The following THSD4 variants were observed in gnomAD, a reference collection of about 807,000 sequenced individuals.
The protein encoded by THSD4 is thrombospondin type-1 domain-containing protein 4.
In THSD4, 69 loss-of-function variants were observed where a neutral mutation model predicts 119.0. The ratio of observed to expected loss-of-function variants is 0.58; its 90% confidence interval spans 0.48 to 0.71. The LOEUF (loss-of-function observed/expected upper bound fraction) is 0.71, where lower values mean the gene tolerates loss of function less well. Among genes scored for constraint, THSD4 ranks in the 30% least tolerant of loss-of-function variants. The pLI is 0.00. For missense variants in THSD4, 1,393 were observed against 1,391.1 expected (o/e 1.00, Z -0.02); for synonymous variants, 524 against 540.4 (o/e 0.97, Z 0.42).
In THSD4 at chr15:71,215,268, G is replaced by C; in HGVS notation, c.333G>C (p.Ser111=). 3 of 1,508,408 alleles carry C rather than the reference G, an allele frequency of 2.0e-6. No individual in the cohort carries two copies. The highest frequency in any genetic ancestry group is 2.6e-6 in the Non-Finnish European group (3 of 1,134,570). The allele number at this position is 1,508,408 out of a possible 1,614,324, so 93.4% of individuals were successfully genotyped here. A position where few individuals can be genotyped will look rare whatever the true frequency, so the allele number is the denominator to read the frequency against. The change falls in exon 4 of 18, where the codon TCG becomes TCC. Residue 111 remains serine, a synonymous_variant. Coordinates refer to ENST00000261862, the MANE Select transcript of THSD4 (RefSeq NM_024817.3). The part of the protein sequence containing the change: ...ADHVVSAVRT[S]VPLHRSRDET... The stretch of plus-strand genomic sequence containing the variant: ...ACGTGGTGTCGGCGGTGCGCACGTC[G>C]GTGCCACTGCACCGGAGCCGCGACG...
intron 16 of THSD4, among the ~76,000 whole-genome samples, chr15:71,765,828 T>C (rs930728230): frequency 4.0e-5 from 6 of 150,260 alleles, no homozygotes; most frequent in South Asian, 2.1e-4. Context: ...GTGTACACTT[T>C]TTAAAAATCC....
chr15:71,474,206 G>A (rs2047625464), intron 7 of THSD4, among the ~76,000 whole-genome samples: 2 of 150,068 alleles, frequency 1.3e-5, no homozygotes, highest in Non-Finnish European at 3.0e-5. Flanking sequence ...ATATTGTTTG[G>A]CATCTTGCTA....
At chr15:71,676,154 C>T (rs898453649) in intron 8 of THSD4, among the ~76,000 whole-genome samples, 1 of 152,186 alleles carries the variant, frequency 6.6e-6, no homozygotes, top group African/African-American at 2.4e-5. Flanking sequence ...AGAAATAAAA[C>T]ATCAAGTGTG....
upstream of THSD4, chr15:71,111,472 A>C (rs368081281): frequency 7.1e-7 from 1 of 1,406,746 alleles, no homozygotes; most frequent in Non-Finnish European, 9.8e-7. Flanking sequence ...CAAGCAGGGG[A>C]GGGAATCTAC....
chr15:71,408,134 C>T (rs753595769), intron 6 of THSD4, among the ~76,000 whole-genome samples: 76 of 151,410 alleles, frequency 5.0e-4, no homozygotes, highest in Non-Finnish European at 9.0e-4. Flanking sequence ...AGAGAAGAGT[C>T]TCCTGGCATC....
At chr15:71,127,148 G>T (rs1173945620) in intron 1 of THSD4, among the ~76,000 whole-genome samples, 2 of 152,144 alleles carry the variant, frequency 1.3e-5, no homozygotes, top group Non-Finnish European at 2.9e-5. Flanking sequence ...TGATGTTTTA[G>T]ATTCCACATA....
intron 6 of THSD4, among the ~76,000 whole-genome samples, chr15:71,287,997 C>T (rs886731697): frequency 9.2e-5 from 14 of 152,182 alleles, no homozygotes; most frequent in South Asian, 8.3e-4. Context: ...ATACACGACG[C>T]GCAACATGCC....
chr15:71,522,946 T>C (rs1164860224), intron 7 of THSD4, among the ~76,000 whole-genome samples: 2 of 152,188 alleles, frequency 1.3e-5, no homozygotes, highest in Non-Finnish European at 2.9e-5. Flanking sequence ...GCCAAGCCTG[T>C]CTGGATGCCT....
chr15:71,384,627 A>C (rs1217713976), intron 6 of THSD4, among the ~76,000 whole-genome samples: 1 of 152,182 alleles, frequency 6.6e-6, no homozygotes, highest in African/African-American at 2.4e-5. Context: ...GAGGCAATAA[A>C]ATTTTTGAAA....
intron 7 of THSD4, among the ~76,000 whole-genome samples, chr15:71,474,215 T>TAGCCAAG (rs1275591045): frequency 7.2e-6 from 1 of 139,636 alleles, no homozygotes; most frequent in Non-Finnish European, 1.6e-5. Flanking sequence ...GGCATCTTGC[T>TAGCCAAG]ATTTTATTTT....
chr15:71,129,742 T>C (rs1376179846), intron 1 of THSD4, among the ~76,000 whole-genome samples: 2 of 152,174 alleles, frequency 1.3e-5, no homozygotes, highest in Non-Finnish European at 2.9e-5. Flanking sequence ...TCTGTAAGGA[T>C]AGACAGAGTT....
chr15:71,777,462 G>C lies in THSD4; in HGVS notation c.*88G>C. 20 of 1,506,484 alleles carry C rather than the reference G, an allele frequency of 1.3e-5. No individual in the cohort carries two copies. The highest frequency in any genetic ancestry group is 1.5e-5 in the Non-Finnish European group (17 of 1,128,282). 93.3% of individuals were successfully genotyped at this position (1,506,484 alleles called of 1,614,324 possible). A position where few individuals can be genotyped will look rare whatever the true frequency, so the allele number is the denominator to read the frequency against. ...CTGGCTGGCTGCTGCTCCACCACGG[G>C]CCCCCTGGCCCAGGCGCTGCCAACC... On this transcript the variant is annotated 3_prime_UTR_variant, in exon 18 of 18. Transcript: ENST00000261862.
At chr15:71,584,988 C>A (rs1360759192) in intron 7 of THSD4, among the ~76,000 whole-genome samples, 2 of 152,094 alleles carry the variant, frequency 1.3e-5, no homozygotes. Flanking sequence ...CTTCTGTTTT[C>A]CATATTTTAT....
rs2053931296 is a variant in THSD4 at position 71,777,277 on chromosome 15, A to C, written c.2960A>C (p.Gln987Pro). Residue 987 changes from glutamine (Q) to proline (P), a missense_variant, in exon 18 of 18, where the codon CAG (glutamine) becomes CCG (proline). By Grantham distance (76) the Gln-to-Pro change is moderately conservative. Transcript: ENST00000261862. Reference sequence around the variant, plus strand: ...TACTACAACTGCAACGTGGTGGTCCAGGCAAGACTCTGTGTCTACAACTAC... The same window carrying C: ...TACTACAACTGCAACGTGGTGGTCCCGGCAAGACTCTGTGTCTACAACTAC... ...DKYYNCNVVV[Q>P]ARLCVYNYYK... 1 of 1,614,232 alleles carries C rather than the reference A, an allele frequency of 6.2e-7. No individual in the cohort carries two copies. Among genetic ancestry groups the C allele is most frequent in the Non-Finnish European group, 8.5e-7 (1 of 1,180,030 alleles).
At chr15:71,108,950 C>T (rs2040285556) in intron 1 of THSD4, among the ~76,000 whole-genome samples, 2 of 152,154 alleles carry the variant, frequency 1.3e-5, no homozygotes, top group African/African-American at 4.8e-5. Context: ...CAAGATCGCA[C>T]CACTGCACTC....
intron 3 of THSD4, among the ~76,000 whole-genome samples, chr15:71,180,401 A>G (rs918613074): frequency 1.4e-4 from 21 of 152,206 alleles, no homozygotes; most frequent in African/African-American, 4.3e-4. Context: ...AAGATGCTCA[A>G]TGTTTAGGAG....
At chr15:71,379,723 G>A (rs544404766) in intron 6 of THSD4, among the ~76,000 whole-genome samples, 1 of 152,042 alleles carries the variant, frequency 6.6e-6, no homozygotes, top group East Asian at 1.9e-4. Flanking sequence ...CTCCCAAAGT[G>A]CTGGGATTAC....
At chr15:71,486,023 A>G (rs2047810869) in intron 7 of THSD4, among the ~76,000 whole-genome samples, 1 of 152,086 alleles carries the variant, frequency 6.6e-6, no homozygotes, top group African/African-American at 2.4e-5. Context: ...AAGTCAGATC[A>G]TTTTTTCCTC....
rs372232954 is a variant in THSD4 at position 71,211,060 on chromosome 15, G to C, written c.100-3975G>C. 3.9e-5 allele frequency among the ~76,000 whole-genome samples: 6 copies of C among 152,300 alleles called. No individual in the cohort carries two copies. The East Asian group carries it at 9.6e-4, about 24-fold the overall frequency. ...TGGAAATTGTGATAGGTATTGCAAA[G>C]TTCTCTCCCAAGAAGTTGCCCAAAT... On this transcript the variant is annotated intron_variant, in intron 3 of 17. Transcript: ENST00000261862.
Sources: allele counts gnomAD v4.1 joint callset (sites outside exome capture counted in the v4.1 genomes callset), GRCh38; gene constraint gnomAD v4.1.1; transcripts MANE v1.5; gene names NCBI Gene and HGNC (gene_info 2026-07-23, HGNC 2026-07-21).